Variants in AGBL4 observed in about 807,000 individuals in gnomAD.
The protein encoded by AGBL4 is AGBL carboxypeptidase 4.
AGBL4 carries 58 observed loss-of-function variants against 66.4 expected under a neutral mutation model. The observed-to-expected ratio is 0.87, with a 90% confidence interval of 0.71 to 1.09. AGBL4 has a LOEUF of 1.09. AGBL4 is among the 50% of genes least tolerant of loss of function. The probability of loss-of-function intolerance (pLI) is 0.00; values close to 1 mark genes in which losing one functional copy is unlikely to be tolerated. For synonymous variants in AGBL4, 234 were observed against 222.9 expected, an observed-to-expected ratio of 1.05 and a Z score of -0.44; for missense variants, 579 against 631.0, an observed-to-expected ratio of 0.92 and a Z score of 0.88.
chr1:48,611,587 C>T (rs1645239882), intron 9 of AGBL4, among the ~76,000 whole-genome samples: 1 of 152,136 alleles, frequency 6.6e-6, no homozygotes, highest in Admixed American at 6.5e-5. Flanking sequence ...CAATTCTTAC[C>T]ATAGAATGAG....
rs1397399106 is a variant in AGBL4, at chr1:48,736,302, T to G, written c.635-73061A>C. ...TTAGGGACTGCATCTTTCTTTTTTT[T>G]TGTGGCGACGCCTGTGACGCTTCTG... is the stretch of plus-strand genomic sequence containing the variant. On this transcript the variant is annotated intron_variant, in intron 6 of 13. Transcript: ENST00000371839. This position sits in a 1 kb window ranked among gnomAD's most constrained non-coding sequence, Gnocchi z 4.0. 1 of 1,614,196 alleles carries G rather than the reference T, an allele frequency of 6.2e-7. No individual in the cohort carries two copies. Among genetic ancestry groups the G allele is most frequent in the Non-Finnish European group, 8.5e-7 (1 of 1,180,028 alleles).
chr1:49,831,017 A>T (rs1645658037), intron 2 of AGBL4, among the ~76,000 whole-genome samples: 1 of 152,084 alleles, frequency 6.6e-6, no homozygotes, highest in Non-Finnish European at 1.5e-5. Context: ...GTAGCTTTGT[A>T]ATATATTTTG....
intron 4 of AGBL4, among the ~76,000 whole-genome samples, chr1:49,107,055 A>G (rs922906481): frequency 1.3e-5 from 2 of 152,194 alleles, no homozygotes; most frequent in African/African-American, 4.8e-5. Flanking sequence ...AGAAATAAAC[A>G]GGAATTTATA....
chr1:48,556,667 G>A (rs1337661525), intron 11 of AGBL4, among the ~76,000 whole-genome samples: 2 of 152,236 alleles, frequency 1.3e-5, no homozygotes, highest in African/African-American at 4.8e-5. Context: ...TGACCTCAGG[G>A]CTGAGTCAGT....
At chr1:48,935,344 A>G (rs987862407) in intron 5 of AGBL4, among the ~76,000 whole-genome samples, 2 of 152,072 alleles carry the variant, frequency 1.3e-5, no homozygotes, top group African/African-American at 4.8e-5. Flanking sequence ...AAATTGTCCA[A>G]TGGTGACAGT....
At chr1:49,238,965 T>C (rs1651003393) in intron 4 of AGBL4, among the ~76,000 whole-genome samples, 1 of 152,200 alleles carries the variant, frequency 6.6e-6, no homozygotes, top group South Asian at 2.1e-4. Flanking sequence ...TTCAGAGTTT[T>C]CTATGTTTGT....
chr1:49,282,894 C>G (rs1279894059), intron 3 of AGBL4, among the ~76,000 whole-genome samples: 1 of 152,108 alleles, frequency 6.6e-6, no homozygotes, highest in Non-Finnish European at 1.5e-5. Flanking sequence ...TCGCTGACTG[C>G]TAGCACAGCA....
chr1:49,573,146 C>CTGTGTGTGTG (rs57980631), intron 3 of AGBL4, among the ~76,000 whole-genome samples: 4 of 136,678 alleles, frequency 2.9e-5, no homozygotes, highest in South Asian at 5.2e-4. Context: ...GTGTGTGTGT[C>CTGTGTGTGTG]TGTGTGTGTG....
intron 3 of AGBL4, among the ~76,000 whole-genome samples, chr1:49,554,016 C>T (rs549731479): frequency 2.6e-5 from 4 of 152,152 alleles, no homozygotes; most frequent in African/African-American, 9.6e-5. Flanking sequence ...GGTGCAATTC[C>T]ATCTACTCAG....
intron 6 of AGBL4, among the ~76,000 whole-genome samples, chr1:48,854,468 G>GC (rs1487589658): frequency 3.9e-5 from 6 of 152,104 alleles, no homozygotes; most frequent in Non-Finnish European, 7.4e-5. Context: ...GCCTCTAGTA[G>GC]CCTTAATTTT....
At chr1:48,527,651 AAAG>A in the AGBL4 span, among the ~76,000 whole-genome samples, 1 of 152,176 alleles carries the variant, frequency 6.6e-6, no homozygotes, top group South Asian at 2.1e-4. Context: ...GCAACCGAGA[AAAG>A]AAAGCAATTA....
chr1:49,379,855 C>A (rs1466252096), intron 3 of AGBL4, among the ~76,000 whole-genome samples: 1 of 151,964 alleles, frequency 6.6e-6, no homozygotes, highest in African/African-American at 2.4e-5. Context: ...TTGGTTGTGT[C>A]TCTGCCCGGC....
chr1:48,897,643 T>G (rs1651652284), intron 5 of AGBL4, among the ~76,000 whole-genome samples: 2 of 152,196 alleles, frequency 1.3e-5, no homozygotes, highest in Non-Finnish European at 2.9e-5. Context: ...TTGCATCTGT[T>G]ATTATCTGTT....
chr1:48,741,778 G>A (rs1649949229), intron 6 of AGBL4, among the ~76,000 whole-genome samples: 2 of 152,174 alleles, frequency 1.3e-5, no homozygotes, highest in South Asian at 2.1e-4. Flanking sequence ...CACATGACGC[G>A]TTAAGGAGAA....
At chr1:49,948,733 A>C (rs1280194733) in intron 1 of AGBL4, among the ~76,000 whole-genome samples, 1 of 151,018 alleles carries the variant, frequency 6.6e-6, no homozygotes, top group Non-Finnish European at 1.5e-5. Context: ...ATGGATGGGT[A>C]GAATAAATAT....
chr1:49,738,242 G>A (rs1341861927), intron 2 of AGBL4, among the ~76,000 whole-genome samples: 1 of 152,200 alleles, frequency 6.6e-6, no homozygotes, highest in Non-Finnish European at 1.5e-5. Flanking sequence ...TTACTAAATG[G>A]CACACAAGGA....
At chr1:49,203,266 C>A (rs1450888023) in intron 4 of AGBL4, among the ~76,000 whole-genome samples, 2 of 152,056 alleles carry the variant, frequency 1.3e-5, no homozygotes, top group Non-Finnish European at 2.9e-5. Context: ...AACTCCACTT[C>A]TGGATCTATA....
intron 1 of AGBL4, among the ~76,000 whole-genome samples, chr1:49,939,134 C>A (rs1483107725): frequency 2.0e-5 from 3 of 152,142 alleles, no homozygotes; most frequent in South Asian, 4.1e-4. Context: ...ACCTAGGAAT[C>A]CAACTTACAA....
chr1:48,763,934 T>C (rs1644403046), intron 6 of AGBL4, among the ~76,000 whole-genome samples: 2 of 152,206 alleles, frequency 1.3e-5, no homozygotes, highest in South Asian at 4.1e-4. Flanking sequence ...GAAGTTACTG[T>C]CATAACATGA....
Sources: allele counts gnomAD v4.1 joint callset (sites outside exome capture counted in the v4.1 genomes callset), GRCh38; gene constraint gnomAD v4.1.1; non-coding constraint Gnocchi (gnomAD v3.1); transcripts MANE v1.5; gene names NCBI Gene and HGNC (gene_info 2026-07-23, HGNC 2026-07-21).